Variants in PCDHA5 observed in about 807,000 individuals in gnomAD.
The protein encoded by PCDHA5 is protocadherin alpha-5.
In PCDHA5, 43 loss-of-function variants were observed where a neutral mutation model predicts 61.6. The observed-to-expected ratio is 0.70, with a 90% CI of 0.55 to 0.90. The LOEUF is 0.90. Ranked by LOEUF, PCDHA5 falls within the 40% of genes least tolerant of loss-of-function variation. The pLI is 0.00. For synonymous variants in PCDHA5, 627 were observed against 543.9 expected (o/e 1.15, Z -2.13); for missense variants, 1,298 against 1,222.7 (o/e 1.06, Z -0.92).
At chr5:140,927,782 C>T (rs550993125) in intron 1 of PCDHA5, 50 of 1,614,098 alleles carry the variant, frequency 3.1e-5, no homozygotes, top group South Asian at 2.2e-4. Context: ...CAAGTAGCTG[C>T]TTCACTAGGT....
chr5:140,993,293 A>G (rs1445204823), intron 3 of PCDHA5, among the ~76,000 whole-genome samples: 1 of 152,062 alleles, frequency 6.6e-6, no homozygotes, highest in African/African-American at 2.4e-5. Flanking sequence ...CAGGGTCACA[A>G]CCTTGCCTCC....
At chr5:140,881,353 G>T (rs537796043) in intron 1 of PCDHA5, 4 of 985,178 alleles carry the variant, frequency 4.1e-6, no homozygotes, top group Non-Finnish European at 4.8e-6. Context: ...GCTACAATGC[G>T]TGGCTTTCGT....
intron 1 of PCDHA5, chr5:140,877,987 C>T: frequency 3.5e-6 from 4 of 1,151,316 alleles, no homozygotes; most frequent in Non-Finnish European, 4.6e-6. Context: ...TCATTTTGAA[C>T]TTTTATGTAT....
intron 3 of PCDHA5, among the ~76,000 whole-genome samples, chr5:141,008,075 G>A (rs1002549445): frequency 2.0e-5 from 3 of 152,004 alleles, no homozygotes; most frequent in Non-Finnish European, 1.5e-5. Flanking sequence ...GAACTTATTG[G>A]GGTTATTCTA....
intron 1 of PCDHA5, chr5:140,875,853 C>T (rs2055871558): frequency 6.2e-7 from 1 of 1,614,162 alleles, no homozygotes; most frequent in African/African-American, 1.3e-5. Flanking sequence ...AGGACATTAA[C>T]GACAACCCGC....
At chr5:141,000,538 A>C (rs31871) in intron 3 of PCDHA5, among the ~76,000 whole-genome samples, 70,673 of 145,962 alleles carry the variant, frequency 0.48, 18,171 homozygotes, top group African/African-American at 0.68. Flanking sequence ...AGTGATTCTC[A>C]TGCCTCAAAC....
intron 1 of PCDHA5, among the ~76,000 whole-genome samples, chr5:140,903,855 AAT>A (rs2070667296): frequency 6.6e-6 from 1 of 152,186 alleles, no homozygotes; most frequent in Non-Finnish European, 1.5e-5. Context: ...CTTAACAAAT[AAT>A]ATAGAGTAAA....
intron 1 of PCDHA5, chr5:140,875,618 C>T (rs1554167806): frequency 3.1e-6 from 5 of 1,613,806 alleles, no homozygotes; most frequent in Non-Finnish European, 3.4e-6. Context: ...GGCCGCATCG[C>T]TCAGGACCTG....
At chr5:140,915,137 C>T (rs2076999053) in intron 1 of PCDHA5, among the ~76,000 whole-genome samples, 3 of 151,800 alleles carry the variant, frequency 2.0e-5, no homozygotes, top group South Asian at 2.1e-4. Context: ...TTAGTAGAGA[C>T]GGGGTTTCAC....
intron 1 of PCDHA5, chr5:140,869,160 C>G (rs201759355): frequency 6.2e-7 from 1 of 1,613,768 alleles, no homozygotes; most frequent in African/African-American, 1.3e-5. Flanking sequence ...TCTGGCTTCT[C>G]CTCCTCGAAT....
intron 1 of PCDHA5, chr5:140,884,328 T>C: frequency 1.2e-6 from 2 of 1,613,822 alleles, no homozygotes; most frequent in Non-Finnish European, 1.7e-6. Flanking sequence ...GCAGGCGCTG[T>C]GGGTCCAGAA....
At chr5:140,868,866 T>C (rs1319732568) in intron 1 of PCDHA5, 2 of 581,336 alleles carry the variant, frequency 3.4e-6, no homozygotes, top group Non-Finnish European at 5.7e-6. Context: ...GTAAATGCAG[T>C]GCACAGTACT....
At chr5:141,005,967 A>ACAATTC (rs1554260442) in intron 3 of PCDHA5, among the ~76,000 whole-genome samples, 1 of 152,062 alleles carries the variant, frequency 6.6e-6, no homozygotes, top group Non-Finnish European at 1.5e-5. Flanking sequence ...CAATAAAAAA[A>ACAATTC]CAATTCCAAA....
At chr5:140,993,225 T>C (rs1036685362) in intron 3 of PCDHA5, among the ~76,000 whole-genome samples, 2 of 152,206 alleles carry the variant, frequency 1.3e-5, no homozygotes, top group Admixed American at 6.5e-5. Context: ...TTTTGGTATG[T>C]TCTCTCTGAA....
chr5:140,884,961 C>A (rs1454276450), intron 1 of PCDHA5, among the ~76,000 whole-genome samples: 1 of 152,126 alleles, frequency 6.6e-6, no homozygotes, highest in Non-Finnish European at 1.5e-5. Context: ...AAATTCCTCA[C>A]GTTGTGAGAA....
rs1232037230 is a variant in PCDHA5 at position 140,844,720 on chromosome 5, C to T, written c.2352+20593C>T. On this transcript the variant is annotated intron_variant, in intron 1 of 3. Coordinates refer to ENST00000529859, the MANE Select transcript of PCDHA5 (RefSeq NM_018908.3). ...TTGGGATTATCATGGCCCATTAGTTCGTGTAAAAATATTTAGTATTATGGG... is the reference window on the plus strand; with the variant it reads ...TTGGGATTATCATGGCCCATTAGTTTGTGTAAAAATATTTAGTATTATGGG... Among the ~76,000 whole-genome samples the T allele has an allele frequency of 5.4e-5, 8 of 149,304 alleles. 1 individual carries two copies. Among genetic ancestry groups the T allele is most frequent in the East Asian group, 1.9e-4 (1 of 5,172 alleles).
chr5:140,844,721 G>A (rs2150373473), intron 1 of PCDHA5, among the ~76,000 whole-genome samples: 7 of 149,390 alleles, frequency 4.7e-5, no homozygotes, highest in African/African-American at 1.5e-4. Flanking sequence ...CCATTAGTTC[G>A]TGTAAAAATA....
chr5:140,843,170 A>G, intron 1 of PCDHA5: 1 of 1,596,072 alleles, frequency 6.3e-7, no homozygotes, highest in Non-Finnish European at 8.6e-7. Flanking sequence ...AGCTGCAAGC[A>G]GCCCTCGCAT....
chr5:140,859,100 T>C (rs1372747667), intron 1 of PCDHA5: 1 of 150,268 alleles, frequency 6.7e-6, no homozygotes, highest in East Asian at 1.9e-4. Flanking sequence ...ATTATTCACT[T>C]AGCAGAAGAA....
Sources: gnomAD v4.1 joint callset for allele counts (sites outside exome capture counted in the v4.1 genomes callset) on GRCh38, gnomAD v4.1.1 for gene constraint, MANE v1.5 for transcripts, NCBI Gene and HGNC (gene_info 2026-07-23, HGNC 2026-07-21) for gene names.